The following PRTG variants were observed in gnomAD, a reference collection of about 807,000 sequenced individuals.
PRTG encodes the protein immunoglobulin superfamily, DCC subclass, member 5.
PRTG carries 67 observed loss-of-function variants against 122.5 expected under a neutral mutation model. The ratio of observed to expected loss-of-function variants is 0.55; its 90% CI spans 0.45 to 0.67. The LOEUF is 0.67. Among genes scored for constraint, PRTG ranks in the 30% least tolerant of loss-of-function variants. The pLI, the probability that PRTG is intolerant of heterozygous loss-of-function variation, is 0.00. For synonymous variants in PRTG, 554 were observed against 501.1 expected (o/e 1.11, Z -1.41); for missense variants, 1,435 against 1,415.4 (o/e 1.01, Z -0.22).
At chr15:55,684,140 T>C (rs960219393) in intron 2 of PRTG, among the ~76,000 whole-genome samples, 3 of 152,244 alleles carry the variant, frequency 2.0e-5, no homozygotes, top group African/African-American at 7.2e-5. Flanking sequence ...TTCCCAGAAT[T>C]AAATTCTAAA....
chr15:55,716,358 A>T (rs1199669954), intron 2 of PRTG, among the ~76,000 whole-genome samples: 1 of 152,202 alleles, frequency 6.6e-6, no homozygotes, highest in South Asian at 2.1e-4. Flanking sequence ...TTTTCAGGAT[A>T]AACAATCCAT....
chr15:55,734,250 T>A (rs1236538314), intron 2 of PRTG, among the ~76,000 whole-genome samples: 2 of 152,194 alleles, frequency 1.3e-5, no homozygotes, highest in Admixed American at 1.3e-4. Flanking sequence ...GAATGGAAGA[T>A]AAGCCACTGA....
chr15:55,641,336 A>T, intron 11 of PRTG, 128 bp from the exon 12 acceptor site: 2 of 616,798 alleles, frequency 3.2e-6, no homozygotes. Context: ...GTAATATAAA[A>T]TTACTGCTCA....
intron 2 of PRTG, among the ~76,000 whole-genome samples, chr15:55,736,029 C>T (rs149067857): frequency 0.011 from 1,604 of 152,206 alleles, 20 homozygotes; most frequent in East Asian, 0.012. Context: ...TTTTTAAAGG[C>T]GAATTTTTTT....
intron 17 of PRTG, among the ~76,000 whole-genome samples, chr15:55,626,150 T>TGTAATTA (rs2059193455): frequency 1.3e-5 from 2 of 152,124 alleles, no homozygotes; most frequent in Non-Finnish European, 2.9e-5. Flanking sequence ...GCGCGGTGGC[T>TGTAATTA]CACGCCTGTA....
intron 19 of PRTG, among the ~76,000 whole-genome samples, 153 bp from the exon 20 acceptor site, chr15:55,620,419 C>T (rs546177319): frequency 6.6e-5 from 10 of 152,306 alleles, no homozygotes; most frequent in South Asian, 2.1e-4. Context: ...CTGATGCACG[C>T]TCCTGCTCCT....
At chr15:55,680,437 G>C in intron 5 of PRTG, 54 bp downstream of exon 5, 1 of 1,488,810 alleles carries the variant, frequency 6.7e-7, no homozygotes, top group Non-Finnish European at 9.0e-7. Flanking sequence ...AATTTCATTA[G>C]AATGAACAAA....
At chr15:55,737,976 T>TTCTCTCTCTCTCTCTCTCTC (rs376933626) in intron 2 of PRTG, among the ~76,000 whole-genome samples, 3 of 91,810 alleles carry the variant, frequency 3.3e-5, no homozygotes, top group East Asian at 3.9e-4. Context: ...TTAATGCCTA[T>TTCTCTCTCTCTCTCTCTCTC]TCTCTCTCTC....
chr15:55,674,496 T>C (rs984577657), intron 9 of PRTG, among the ~76,000 whole-genome samples: 3 of 152,072 alleles, frequency 2.0e-5, no homozygotes, highest in Non-Finnish European at 4.4e-5. Flanking sequence ...ATAACAGAGG[T>C]TGTTAATAGC....
intron 7 of PRTG, 149 bp from the exon 8 acceptor site, chr15:55,678,193 G>A (rs978959967): frequency 3.4e-6 from 2 of 581,814 alleles, no homozygotes; most frequent in Admixed American, 3.1e-5. Context: ...GCAACTATGT[G>A]GAATCCTGAA....
chr15:55,705,854 C>CTTTTTTTT (rs33973404), intron 2 of PRTG, among the ~76,000 whole-genome samples: 5 of 125,424 alleles, frequency 4.0e-5, no homozygotes, highest in Non-Finnish European at 8.1e-5. Flanking sequence ...ACTTGCTATT[C>CTTTTTTTT]TTTTTTTTTT....
At chr15:55,738,680 T>C in intron 2 of PRTG, 1 of 414,472 alleles carries the variant, frequency 2.4e-6, no homozygotes, top group Non-Finnish European at 4.2e-6. Flanking sequence ...AAACCATTAC[T>C]CCATGAAAAA....
At chr15:55,660,430 A>C (rs1353273978) in intron 11 of PRTG, among the ~76,000 whole-genome samples, 1 of 152,204 alleles carries the variant, frequency 6.6e-6, no homozygotes, top group Non-Finnish European at 1.5e-5. Context: ...GATTCTTTAC[A>C]TTCACCAGAA....
Position 55,613,979 on chromosome 15 carries a change from A to G in PRTG, c.*6033T>C, listed in dbSNP as rs1028752217. ...TGCAGAGATGAACCATGTGCTTGGC[A>G]CACTGTAGATGCTCAACAAATGGCA... On this transcript the variant is annotated 3_prime_UTR_variant, in exon 20 of 20. Transcript: ENST00000389286. The G allele has an allele frequency of 2.6e-5, 4 of 152,102 alleles. No homozygotes were observed. Among genetic ancestry groups the G allele is most frequent in the African/African-American group, 9.7e-5 (4 of 41,444 alleles). 9.4% of individuals were successfully genotyped at this position (152,102 alleles called of 1,614,324 possible). A position where few individuals can be genotyped will look rare whatever the true frequency, so the allele number is the denominator to read the frequency against.
chr15:55,638,406 C>A, intron 14 of PRTG, 143 bp downstream of exon 14: 1 of 561,116 alleles, frequency 1.8e-6, no homozygotes, highest in Non-Finnish European at 2.8e-6. Context: ...TTTCAAAAGC[C>A]AAAAAATGAA....
At chr15:55,670,247 G>GC in intron 11 of PRTG, among the ~76,000 whole-genome samples, 1 of 152,132 alleles carries the variant, frequency 6.6e-6, no homozygotes, top group Admixed American at 6.5e-5. Context: ...CACAACCCAA[G>GC]TTTTTTTCTA....
intron 11 of PRTG, among the ~76,000 whole-genome samples, chr15:55,645,642 A>T (rs2059318005): frequency 2.0e-5 from 3 of 152,040 alleles, no homozygotes; most frequent in Non-Finnish European, 4.4e-5. Flanking sequence ...CCTCAGCATA[A>T]GCAGCAAAAG....
rs1477138336 is a variant in PRTG, at chr15:55,680,568, G to C, written c.737C>G (p.Thr246Arg). 6.2e-7 allele frequency: 1 copy of C among 1,601,304 alleles called. No homozygotes were observed. The highest frequency in any genetic ancestry group is 2.2e-5 in the East Asian group (1 of 44,526). ...TIIAGPQNIT[T>R]SLHQTVVLEC... ...CAAAACTACAGTCTGATGAAGAGAT[G>C]TTGTTATGTTCTGTGGACCTGCTAT... Residue 246 changes from threonine (T) to arginine (R), a missense_variant, in exon 5 of 20, where the codon ACA becomes AGA. Thr to Arg is a moderately conservative substitution (Grantham distance 71). Transcript: ENST00000389286.
intron 2 of PRTG, among the ~76,000 whole-genome samples, chr15:55,699,101 T>G (rs2059648083): frequency 1.3e-5 from 2 of 152,198 alleles, no homozygotes; most frequent in South Asian, 2.1e-4. Flanking sequence ...ATAGGATTTT[T>G]GGAGCTAATA....
Sources: allele counts gnomAD v4.1 joint callset (sites outside exome capture counted in the v4.1 genomes callset), GRCh38; gene constraint gnomAD v4.1.1; transcripts MANE v1.5; gene names NCBI Gene and HGNC (gene_info 2026-07-23, HGNC 2026-07-21).